GABBR2: variants seen among roughly 807,000 people sequenced by gnomAD.
GABBR2 encodes the protein G-protein coupled receptor 51.
Under a neutral mutation model 105.6 loss-of-function variants are expected in GABBR2, and 23 were observed. The ratio of observed to expected loss-of-function variants is 0.22; its 90% CI spans 0.16 to 0.31. The LOEUF (loss-of-function observed/expected upper bound fraction) is 0.31, where lower values mean the gene tolerates loss of function less well. Ranked by LOEUF, GABBR2 falls within the 10% of genes least tolerant of loss-of-function variation. The pLI is 1.00. For synonymous variants in GABBR2, 478 were observed against 499.7 expected (o/e 0.96, Z 0.58); for missense variants, 734 against 1,245.5 (o/e 0.59, Z 6.18).
chr9:98,621,730 TTTTA>T (rs1170389591), intron 1 of GABBR2, among the ~76,000 whole-genome samples: 1 of 152,200 alleles, frequency 6.6e-6, no homozygotes, highest in East Asian at 1.9e-4. Flanking sequence ...AAAAATGGCT[TTTTA>T]TTTGTCATGA....
intron 17 of GABBR2, 100 bp downstream of exon 17, chr9:98,299,124 C>T (rs1394630070): frequency 4.0e-6 from 4 of 999,416 alleles, no homozygotes; most frequent in African/African-American, 1.6e-5. Context: ...AGTCCTGTGC[C>T]CTGTCTGAGC....
intron 7 of GABBR2, among the ~76,000 whole-genome samples, chr9:98,415,467 CAAAG>C (rs987197028): frequency 2.6e-5 from 4 of 152,212 alleles, no homozygotes; most frequent in African/African-American, 7.2e-5. Context: ...AGTCGAATAA[CAAAG>C]AGAGCAATGA....
intron 2 of GABBR2, among the ~76,000 whole-genome samples, chr9:98,560,066 G>T (rs562775928): frequency 9.9e-5 from 15 of 151,514 alleles, no homozygotes; most frequent in Admixed American, 7.2e-4. Flanking sequence ...TAATAACAAT[G>T]GTCACATTAT....
chr9:98,490,260 A>G (rs1827149215), intron 4 of GABBR2, among the ~76,000 whole-genome samples: 1 of 152,206 alleles, frequency 6.6e-6, no homozygotes, highest in Non-Finnish European at 1.5e-5. Flanking sequence ...ACAATAAAAA[A>G]AAAGGGTCAC....
rs145592592 is a variant in GABBR2, at chr9:98,583,621, G to A, written c.322-5549C>T. 6.6e-5 allele frequency among the ~76,000 whole-genome samples: 10 copies of A among 152,324 alleles called. No individual in the cohort carries two copies. In the East Asian group the frequency reaches 1.5e-3, roughly 23 times the overall value. On this transcript the variant is annotated intron_variant, in intron 1 of 18. Transcript: ENST00000259455. ...TGGGTGAATGTCTCATAAGCAAGGC[G>A]TTTTGGCATATACGCTATAGGCTAC... is the stretch of plus-strand genomic sequence containing the variant.
intron 2 of GABBR2, among the ~76,000 whole-genome samples, chr9:98,556,364 C>T (rs573391590): frequency 1.3e-5 from 2 of 152,180 alleles, no homozygotes; most frequent in Non-Finnish European, 1.5e-5. Flanking sequence ...AAGAAGGGGT[C>T]ATCCTAGGTT....
chr9:98,465,266 C>T (rs867789806), intron 6 of GABBR2, among the ~76,000 whole-genome samples: 8 of 151,224 alleles, frequency 5.3e-5, no homozygotes, highest in African/African-American at 1.5e-4. Context: ...AGTAATATGG[C>T]GGCACAGTGT....
chr9:98,398,758 C>A (rs1832338811), intron 8 of GABBR2, among the ~76,000 whole-genome samples: 1 of 152,224 alleles, frequency 6.6e-6, no homozygotes, highest in Admixed American at 6.5e-5. Flanking sequence ...CCAGCATTAC[C>A]TCTCAGCAGC....
intron 3 of GABBR2, among the ~76,000 whole-genome samples, chr9:98,505,054 C>T (rs1240715487): frequency 1.3e-5 from 2 of 152,206 alleles, no homozygotes; most frequent in East Asian, 3.8e-4. Flanking sequence ...TAAGATGGTT[C>T]AGGAAATTAG....
intron 7 of GABBR2, among the ~76,000 whole-genome samples, chr9:98,427,676 T>C (rs954676664): frequency 6.6e-6 from 1 of 152,048 alleles, no homozygotes; most frequent in Non-Finnish European, 1.5e-5. Context: ...CATAAAAAGA[T>C]GCCGCAGCCT....
At chr9:98,430,400 T>G (rs190883756) in intron 7 of GABBR2, among the ~76,000 whole-genome samples, 10 of 152,316 alleles carry the variant, frequency 6.6e-5, no homozygotes, top group Admixed American at 6.5e-4. Context: ...TTTAAGCTTT[T>G]TTAGGTGGGA....
rs1382483538 is a variant in GABBR2, at chr9:98,617,689, C to A, written c.322-39617G>T. ...CCTCTCCAGTCACGATCCTGAGAATCCTAACCACTCCTCTAGTGAATGCAG... is the reference window on the plus strand; with the variant it reads ...CCTCTCCAGTCACGATCCTGAGAATACTAACCACTCCTCTAGTGAATGCAG... On this transcript the variant is annotated intron_variant, in intron 1 of 18. Transcript: ENST00000259455. 2.0e-5 allele frequency among the ~76,000 whole-genome samples: 3 copies of A among 152,142 alleles called. No individual in the cohort carries two copies. In the East Asian group the frequency reaches 5.8e-4, roughly 29 times the overall value.
chr9:98,623,139 T>G (rs1033440100), intron 1 of GABBR2, among the ~76,000 whole-genome samples: 9 of 152,336 alleles, frequency 5.9e-5, no homozygotes, highest in Admixed American at 5.2e-4. Flanking sequence ...AAATAAAGTC[T>G]TCAGGCGGGG....
chr9:98,626,040 G>A (rs977212782), intron 1 of GABBR2, among the ~76,000 whole-genome samples: 6 of 152,214 alleles, frequency 3.9e-5, no homozygotes, highest in Non-Finnish European at 8.8e-5. Flanking sequence ...AGAGGGGAGA[G>A]CTCCCTGACC....
chr9:98,689,741 T>G (rs369877902), intron 1 of GABBR2, among the ~76,000 whole-genome samples: 1 of 152,270 alleles, frequency 6.6e-6, no homozygotes, highest in African/African-American at 2.4e-5. Context: ...AACGCTATTA[T>G]GTCAGTTATC....
chr9:98,624,010 G>T (rs973151484), intron 1 of GABBR2, among the ~76,000 whole-genome samples: 1 of 152,150 alleles, frequency 6.6e-6, no homozygotes, highest in Admixed American at 6.5e-5. Context: ...GGATTCAAAG[G>T]CACAGTCAAA....
At chr9:98,494,855 G>T (rs774315665) in intron 4 of GABBR2, among the ~76,000 whole-genome samples, 42 of 152,332 alleles carry the variant, frequency 2.8e-4, no homozygotes, top group Middle Eastern at 3.4e-3. Flanking sequence ...CAGTTGCTCT[G>T]CTCTGCACAC....
intron 7 of GABBR2, among the ~76,000 whole-genome samples, chr9:98,413,549 C>G (rs573079380): frequency 2.0e-5 from 3 of 152,256 alleles, no homozygotes; most frequent in African/African-American, 7.2e-5. Context: ...TTGTTAGACA[C>G]AAGCCTTCAG....
rs532480775 is a variant in GABBR2, at chr9:98,506,655, G to A, written c.631-10141C>T. Among the ~76,000 whole-genome samples the A allele has an allele frequency of 3.3e-5, 5 of 152,318 alleles. No individual in the cohort carries two copies. In the South Asian group the frequency reaches 1.0e-3, roughly 32 times the overall value. On this transcript the variant is annotated intron_variant, in intron 3 of 18. Transcript: ENST00000259455. The stretch of plus-strand genomic sequence containing the variant: ...GTGGTGCTCTGGGGGCACCCCTGTG[G>A]GGACATATGGGGCCTGAGGGCAGCT...
Sources: gnomAD v4.1 joint callset for allele counts (sites outside exome capture counted in the v4.1 genomes callset) on GRCh38, gnomAD v4.1.1 for gene constraint, MANE v1.5 for transcripts, NCBI Gene and HGNC (gene_info 2026-07-23, HGNC 2026-07-21) for gene names.